Variants in FGD5 observed in about 807,000 individuals in gnomAD.
The protein encoded by FGD5 is FYVE, RhoGEF and PH domain containing 5.
A neutral mutation model predicts 133.4 loss-of-function variants in FGD5; 28 were observed. The ratio of observed to expected loss-of-function variants is 0.21; its 90% CI spans 0.16 to 0.29. FGD5 has a LOEUF of 0.29. FGD5 is among the 10% of genes least tolerant of loss of function. The pLI, the probability that FGD5 is intolerant of heterozygous loss-of-function variation, is 1.00. For missense variants in FGD5, 1,858 were observed against 1,895.2 expected (o/e 0.98, Z 0.36); for synonymous variants, 810 against 776.5 (o/e 1.04, Z -0.72).
intron 2 of FGD5, among the ~76,000 whole-genome samples, chr3:14,865,101 G>T (rs1406724963): frequency 6.6e-6 from 1 of 152,138 alleles, no homozygotes. Context: ...GCTAGGAAGG[G>T]TGAAATGCCC....
At chr3:14,926,828 G>A (rs552201101) in intron 18 of FGD5, among the ~76,000 whole-genome samples, 1 of 152,242 alleles carries the variant, frequency 6.6e-6, no homozygotes, top group South Asian at 2.1e-4. Flanking sequence ...ACCAGCTGGT[G>A]GCTTCTAGGT....
rs529919676 is a variant in FGD5 at position 14,926,452 on chromosome 3, C to T, written c.4197+254C>T. 9.2e-5 allele frequency among the ~76,000 whole-genome samples: 14 copies of T among 152,266 alleles called. No individual in the cohort carries two copies. The South Asian group carries it at 2.5e-3, about 27-fold the overall frequency. ...AAGGTACGGACATGCCAAGCTGTGC[C>T]GCAAAGTGTTTAAATGGCACAGGCC... On this transcript the variant is annotated intron_variant, in intron 18 of 19. Coordinates refer to ENST00000285046, the MANE Select transcript of FGD5 (RefSeq NM_152536.4).
rs2036453936 is a variant in FGD5 at position 14,820,133 on chromosome 3, C to T, written c.1062C>T (p.Ser354=). ...CCTATGAGTTCTTCCCAACTGAGAG[C>T]ACCTCTTTTTGCAGCGAGAGCTGTT... is the stretch of plus-strand genomic sequence containing the variant. ...GSPYEFFPTE[S]TSFCSESCSP... The change falls in exon 1 of 20, where the codon AGC becomes AGT. Residue 354 remains serine (S), a synonymous_variant. Coordinates refer to ENST00000285046, the MANE Select transcript of FGD5 (RefSeq NM_152536.4). The T allele has an allele frequency of 1.2e-6, 2 of 1,614,050 alleles. No homozygotes were observed. The highest frequency in any genetic ancestry group is 1.7e-6 in the Non-Finnish European group (2 of 1,179,892).
chr3:14,872,583 C>A (rs1391969515), intron 2 of FGD5, among the ~76,000 whole-genome samples: 1 of 152,210 alleles, frequency 6.6e-6, no homozygotes. Context: ...TGTGGATATT[C>A]ATAAAAGAAG....
intron 9 of FGD5, among the ~76,000 whole-genome samples, chr3:14,902,799 G>A (rs748739314): frequency 1.8e-4 from 27 of 152,162 alleles, no homozygotes; most frequent in African/African-American, 2.2e-4. Context: ...CCCTTTAGCC[G>A]GGGCTGCCTC....
At chr3:14,835,105 G>A (rs73814194) in intron 1 of FGD5, among the ~76,000 whole-genome samples, 2,463 of 152,288 alleles carry the variant, frequency 0.016, 59 homozygotes, top group African/African-American at 0.055. Flanking sequence ...GCTTTCCCCT[G>A]GCAAGCGTTG....
At chr3:14,924,505 C>A (rs182485374) in intron 17 of FGD5, among the ~76,000 whole-genome samples, 1 of 152,156 alleles carries the variant, frequency 6.6e-6, no homozygotes, top group African/African-American at 2.4e-5. Context: ...GGTCCCAACC[C>A]GGCTCAGGTG....
intron 4 of FGD5, among the ~76,000 whole-genome samples, chr3:14,891,921 CTCTCTCTTTCTTTT>C (rs1052568425): frequency 1.3e-5 from 2 of 151,858 alleles, no homozygotes; most frequent in African/African-American, 4.8e-5. Context: ...CCTTCTCTCT[CTCTCTCTTTCTTTT>C]TCTCTCTTTC....
chr3:14,844,211 AAAAAAAATATATAT>A (rs1223679732), intron 1 of FGD5, among the ~76,000 whole-genome samples: 3 of 41,462 alleles, frequency 7.2e-5, no homozygotes, highest in South Asian at 9.8e-4. Context: ...CATTAAAAAA[AAAAAAAATATATAT>A]ATATATATAT....
chr3:14,860,821 T>A (rs200969101), intron 1 of FGD5, among the ~76,000 whole-genome samples: 10 of 143,086 alleles, frequency 7.0e-5, no homozygotes, highest in East Asian at 2.4e-4. Flanking sequence ...AAAAAAAAAA[T>A]TTAAAAATTA....
chr3:14,896,483 T>A (rs6775524), intron 4 of FGD5, among the ~76,000 whole-genome samples: 107,889 of 150,724 alleles, frequency 0.72, 38,682 homozygotes, highest in African/African-American at 0.76. Context: ...TTTTTTTTTT[T>A]TTTTGAGACG....
rs1437494448 is a variant in FGD5 at position 14,926,183 on chromosome 3, C to T, written c.4182C>T (p.Thr1394=). Residue 1394 remains threonine (T), a synonymous_variant, in exon 18 of 20, where the codon ACC becomes ACT. Coordinates refer to ENST00000285046, the MANE Select transcript of FGD5 (RefSeq NM_152536.4). Reference sequence around the variant, plus strand: ...TCATCAAAGGCAAAGTTCTCTACACCTACATGGCCAGTGAGGTAGTAGTGA... The same window carrying T: ...TCATCAAAGGCAAAGTTCTCTACACTTACATGGCCAGTGAGGTAGTAGTGA... The part of the protein sequence containing the change: ...WFVIKGKVLY[T]YMASEDKVAL... 1 of 1,613,596 alleles carries T rather than the reference C, an allele frequency of 6.2e-7. No individual in the cohort carries two copies. Among genetic ancestry groups the T allele is most frequent in the African/African-American group, 1.3e-5 (1 of 75,022 alleles).
chr3:14,866,594 A>G (rs922339165), intron 2 of FGD5, among the ~76,000 whole-genome samples: 1 of 152,154 alleles, frequency 6.6e-6, no homozygotes, highest in Admixed American at 6.5e-5. Flanking sequence ...CCCCATCTGT[A>G]AGGTTGGGAT....
At chr3:14,892,182 A>G (rs1245780687) in intron 4 of FGD5, among the ~76,000 whole-genome samples, 2 of 151,682 alleles carry the variant, frequency 1.3e-5, no homozygotes, top group Non-Finnish European at 2.9e-5. Context: ...CAATCCTTAT[A>G]TACAAAAGAC....
chr3:14,894,505 CTT>C (rs55912541), intron 4 of FGD5, among the ~76,000 whole-genome samples: 1,981 of 127,158 alleles, frequency 0.016, 30 homozygotes, highest in African/African-American at 0.046. Flanking sequence ...TTTGTTAGTT[CTT>C]TTTTTTTTTT....
chr3:14,884,307 T>C (rs1198413616), intron 4 of FGD5, among the ~76,000 whole-genome samples: 1 of 152,172 alleles, frequency 6.6e-6, no homozygotes, highest in Non-Finnish European at 1.5e-5. Flanking sequence ...AGTTTGCTGA[T>C]TGGGAGATAA....
intron 10 of FGD5, among the ~76,000 whole-genome samples, chr3:14,907,978 C>T (rs1000339262): frequency 1.3e-5 from 2 of 152,212 alleles, no homozygotes; most frequent in Non-Finnish European, 2.9e-5. Flanking sequence ...TGGCTCTCCT[C>T]ACCTCCAAGG....
At chr3:14,860,333 C>T (rs189964047) in intron 1 of FGD5, among the ~76,000 whole-genome samples, 17 of 152,358 alleles carry the variant, frequency 1.1e-4, no homozygotes, top group African/African-American at 4.1e-4. Flanking sequence ...ACGTCTTTCA[C>T]TTTCCTGAAG....
chr3:14,904,002 G>A (rs117307474), intron 9 of FGD5, among the ~76,000 whole-genome samples: 6,777 of 152,262 alleles, frequency 0.045, 197 homozygotes, highest in Middle Eastern at 0.078. Flanking sequence ...TTTTTCTCAT[G>A]ATTAGACTGG....
Sources: allele counts gnomAD v4.1 joint callset (sites outside exome capture counted in the v4.1 genomes callset), GRCh38; gene constraint gnomAD v4.1.1; transcripts MANE v1.5; gene names NCBI Gene and HGNC (gene_info 2026-07-23, HGNC 2026-07-21).